ZNF398: variants seen among roughly 807,000 people sequenced by gnomAD.
ZNF398 encodes the protein zinc finger protein 398.
Under a neutral mutation model 41.9 loss-of-function variants are expected in ZNF398, and 18 were observed. That is an observed-to-expected ratio of 0.43 (90% confidence interval 0.30 to 0.64). The LOEUF (loss-of-function observed/expected upper bound fraction) is 0.64. ZNF398 is among the 30% of genes least tolerant of loss of function. ZNF398 has a pLI of 0.14. For missense variants in ZNF398, 669 were observed against 822.8 expected, an observed-to-expected ratio of 0.81 and a Z score of 2.29; for synonymous variants, 260 against 308.8, an observed-to-expected ratio of 0.84 and a Z score of 1.66.
chr7:149,155,950 T>G (rs1794968290), intron 2 of ZNF398, among the ~76,000 whole-genome samples: 1 of 151,706 alleles, frequency 6.6e-6, no homozygotes, highest in African/African-American at 2.4e-5. Flanking sequence ...ATGGTCTTGA[T>G]CTCCTGACCT....
chr7:149,156,949 A>G (rs183262457), intron 2 of ZNF398, among the ~76,000 whole-genome samples: 1 of 152,276 alleles, frequency 6.6e-6, no homozygotes, highest in East Asian at 1.9e-4. Flanking sequence ...ATTTTAAGGC[A>G]TATGAGTCTC....
intron 4 of ZNF398, among the ~76,000 whole-genome samples, chr7:149,171,861 G>A (rs1352262925): frequency 6.6e-6 from 1 of 152,040 alleles, no homozygotes; most frequent in Non-Finnish European, 1.5e-5. Flanking sequence ...TAGAGATGGG[G>A]TATAGCCATG....
chr7:149,160,562 T>C (rs1795087858), intron 2 of ZNF398, among the ~76,000 whole-genome samples: 2 of 152,238 alleles, frequency 1.3e-5, no homozygotes, highest in South Asian at 4.1e-4. Flanking sequence ...CATCTCTTTT[T>C]GAGTCATGCC....
chr7:149,163,133 G>A (rs1456937712), intron 2 of ZNF398, among the ~76,000 whole-genome samples: 1 of 152,162 alleles, frequency 6.6e-6, no homozygotes, highest in Admixed American at 6.5e-5. Flanking sequence ...AAAATGTCAC[G>A]TAAACTGTAG....
chr7:149,154,985 TTCTA>T (rs1338558042), intron 2 of ZNF398, among the ~76,000 whole-genome samples: 1 of 102,992 alleles, frequency 9.7e-6, no homozygotes, highest in Non-Finnish European at 2.1e-5. Context: ...GCAAAACTCC[TTCTA>T]AAAAAAAAAA....
At chr7:149,157,188 G>A (rs1325256997) in intron 2 of ZNF398, among the ~76,000 whole-genome samples, 1 of 152,000 alleles carries the variant, frequency 6.6e-6, no homozygotes, top group East Asian at 1.9e-4. Context: ...GACAATGTTA[G>A]GTTTGAAATG....
intron 4 of ZNF398, among the ~76,000 whole-genome samples, chr7:149,171,107 C>T (rs1795330730): frequency 6.6e-6 from 1 of 150,876 alleles, no homozygotes; most frequent in Non-Finnish European, 1.5e-5. Context: ...CTTGGCCTCC[C>T]GAAGTGCTGG....
At chr7:149,155,727 T>TTTTTTTTTTTTTTTTTTTTTA (rs1794959608) in intron 2 of ZNF398, among the ~76,000 whole-genome samples, 1 of 62,986 alleles carries the variant, frequency 1.6e-5, no homozygotes, top group African/African-American at 5.2e-5. Context: ...TTTTTTTTTT[T>TTTTTTTTTTTTTTTTTTTTTA]TTAATTTTTT....
upstream of ZNF398, among the ~76,000 whole-genome samples, chr7:149,146,641 G>C (rs1024644806): frequency 1.3e-5 from 2 of 151,778 alleles, no homozygotes; most frequent in African/African-American, 4.8e-5. Context: ...TTGAGGTCAG[G>C]AGTTTCAGAC....
In ZNF398 at chr7:149,155,414, C is replaced by T. The variant is rs760412520; in HGVS notation, c.420+1074C>T. Among the ~76,000 whole-genome samples, 4 of 152,082 alleles carry T rather than the reference C, an allele frequency of 2.6e-5. No individual in the cohort carries two copies. In the East Asian group the frequency reaches 5.8e-4, roughly 22 times the overall value. On this transcript the variant is annotated intron_variant, in intron 2 of 5. Transcript: ENST00000475153. Reference sequence around the variant, plus strand: ...CAGCCTGGGCAACAGAGTGAGACTCCGTCTCCAACAACGACAAAAAAGAAG... The same window carrying T: ...CAGCCTGGGCAACAGAGTGAGACTCTGTCTCCAACAACGACAAAAAAGAAG...
chr7:149,128,877 C>A (rs1199720454), exon 2 of ZNF398: 2 of 151,796 alleles, frequency 1.3e-5, no homozygotes, highest in South Asian at 2.1e-4. Flanking sequence ...TCTTGGCTCA[C>A]TGCAACCTCC....
At chr7:149,170,874 C>T (rs533097483) in intron 4 of ZNF398, among the ~76,000 whole-genome samples, 1 of 151,938 alleles carries the variant, frequency 6.6e-6, no homozygotes, top group African/African-American at 2.4e-5. Context: ...TTTATAAACA[C>T]TGTATACTTA....
intron 1 of ZNF398, among the ~76,000 whole-genome samples, chr7:149,151,449 CAG>C (rs1585515773): frequency 6.6e-6 from 1 of 152,294 alleles, no homozygotes; most frequent in Non-Finnish European, 1.5e-5. Context: ...AGGTTGTCGT[CAG>C]AGAGTGGCTT....
intron 2 of ZNF398, among the ~76,000 whole-genome samples, chr7:149,155,539 C>T (rs867392259): frequency 6.6e-6 from 1 of 151,810 alleles, no homozygotes; most frequent in Admixed American, 6.6e-5. Flanking sequence ...TTTTTAAAAA[C>T]CTCCATAGAT....
intron 2 of ZNF398, among the ~76,000 whole-genome samples, chr7:149,137,082 G>T (rs557761099): frequency 7.2e-5 from 11 of 152,084 alleles, no homozygotes; most frequent in South Asian, 6.2e-4. Flanking sequence ...AGCCAAGCTG[G>T]TCTTGAACTC....
intron 5 of ZNF398, 152 bp downstream of exon 5, chr7:149,176,733 C>G: frequency 1.8e-6 from 1 of 540,606 alleles, no homozygotes; most frequent in East Asian, 3.1e-5. Flanking sequence ...TGAAACCAAA[C>G]AGTCACTAAG....
At chr7:149,152,328 T>C (rs997427520) in intron 1 of ZNF398, among the ~76,000 whole-genome samples, 1 of 146,492 alleles carries the variant, frequency 6.8e-6, no homozygotes, top group Non-Finnish European at 1.5e-5. Context: ...TGGCGCGAAG[T>C]TGGGTTGCTG....
chr7:149,166,703 A>G (rs1156711153), intron 3 of ZNF398, 114 bp from the exon 4 acceptor site: 1 of 673,014 alleles, frequency 1.5e-6, no homozygotes, highest in Non-Finnish European at 2.5e-6. Flanking sequence ...TATGAAATCT[A>G]AAAGAAATTC....
chr7:149,137,056 G>A (rs188881609), intron 2 of ZNF398, among the ~76,000 whole-genome samples: 123 of 151,816 alleles, frequency 8.1e-4, no homozygotes, highest in Middle Eastern at 3.4e-3. Context: ...TAGCAGAGAC[G>A]GGGTTTCACC....
Sources: gnomAD v4.1 joint callset for allele counts (sites outside exome capture counted in the v4.1 genomes callset) on GRCh38, gnomAD v4.1.1 for gene constraint, MANE v1.5 for transcripts, NCBI Gene and HGNC (gene_info 2026-07-23, HGNC 2026-07-21) for gene names.